The following EPHA5 variants were observed in gnomAD, a reference collection of about 807,000 sequenced individuals.
EPHA5 encodes ephrin type-A receptor 5.
A neutral mutation model predicts 105.0 loss-of-function variants in EPHA5; 60 were observed. The ratio of observed to expected loss-of-function variants is 0.57; its 90% CI spans 0.46 to 0.71. The LOEUF is 0.71. Ranked by LOEUF, EPHA5 falls within the 30% of genes least tolerant of loss-of-function variation. EPHA5 has a pLI of 0.00. For missense variants in EPHA5, 1,218 were observed against 1,274.7 expected (o/e 0.96, Z 0.68); for synonymous variants, 513 against 449.1 (o/e 1.14, Z -1.80).
chr4:65,380,278 A>G (rs1426748848), intron 8 of EPHA5, among the ~76,000 whole-genome samples: 1 of 151,816 alleles, frequency 6.6e-6, no homozygotes, highest in African/African-American at 2.4e-5. Flanking sequence ...AAAACTGTTG[A>G]TCTTTGTTTT....
intron 11 of EPHA5, among the ~76,000 whole-genome samples, chr4:65,356,761 G>A (rs375771816): frequency 7.9e-5 from 12 of 151,606 alleles, no homozygotes; most frequent in African/African-American, 1.7e-4. Context: ...TTCTTCATGC[G>A]TGAGTCATTT....
chr4:65,652,780 A>G (rs1748725190), intron 1 of EPHA5, among the ~76,000 whole-genome samples: 1 of 152,174 alleles, frequency 6.6e-6, no homozygotes, highest in Admixed American at 6.5e-5. Context: ...CAATCTAAAT[A>G]GAACAGACAT....
At chr4:65,330,618 C>T in intron 16 of EPHA5, 1 of 539,272 alleles carries the variant, frequency 1.9e-6, no homozygotes, top group Non-Finnish European at 2.4e-6. Flanking sequence ...AGAAGAAATA[C>T]CTACAATATC....
chr4:65,641,926 A>T (rs1173419361), intron 2 of EPHA5, among the ~76,000 whole-genome samples: 1 of 152,150 alleles, frequency 6.6e-6, no homozygotes, highest in African/African-American at 2.4e-5. Flanking sequence ...TTATAAAGCA[A>T]TTAATTGTTT....
intron 8 of EPHA5, among the ~76,000 whole-genome samples, chr4:65,394,734 A>G (rs1721049910): frequency 6.6e-6 from 1 of 152,178 alleles, no homozygotes; most frequent in Non-Finnish European, 1.5e-5. Flanking sequence ...ATCAGCTATA[A>G]ATTAGATAAG....
At chr4:65,612,689 G>A (rs1198315193) in intron 2 of EPHA5, among the ~76,000 whole-genome samples, 5 of 152,050 alleles carry the variant, frequency 3.3e-5, no homozygotes, top group Non-Finnish European at 1.5e-5. Context: ...GCTTTCTTTT[G>A]CAAAATATCT....
intron 3 of EPHA5, among the ~76,000 whole-genome samples, chr4:65,595,194 A>G (rs1743051758): frequency 6.6e-6 from 1 of 151,596 alleles, no homozygotes; most frequent in Admixed American, 6.6e-5. Flanking sequence ...AAAATACCAC[A>G]CTTCACCCAC....
intron 3 of EPHA5, among the ~76,000 whole-genome samples, chr4:65,555,799 G>A (rs1166287050): frequency 7.1e-6 from 1 of 141,120 alleles, no homozygotes; most frequent in South Asian, 2.1e-4. Flanking sequence ...TGTCAAGTAG[G>A]AGTACTAGGA....
chr4:65,424,358 G>A (rs951524792), intron 5 of EPHA5, among the ~76,000 whole-genome samples: 1 of 152,066 alleles, frequency 6.6e-6, no homozygotes, highest in Non-Finnish European at 1.5e-5. Context: ...ATACGTTGAA[G>A]CCTGATAGAA....
chr4:65,624,158 A>G (rs766599819), intron 2 of EPHA5, among the ~76,000 whole-genome samples: 7 of 152,166 alleles, frequency 4.6e-5, no homozygotes, highest in Non-Finnish European at 8.8e-5. Context: ...ACCAATACTT[A>G]TTTATATTTA....
intron 8 of EPHA5, among the ~76,000 whole-genome samples, chr4:65,372,791 T>G (rs113773307): frequency 1.4e-4 from 22 of 151,934 alleles, no homozygotes; most frequent in African/African-American, 5.3e-4. Context: ...ACTTTGTATC[T>G]TCATATTCTA....
At chr4:65,428,725 C>T (rs1724690527) in intron 5 of EPHA5, among the ~76,000 whole-genome samples, 2 of 151,978 alleles carry the variant, frequency 1.3e-5, no homozygotes, top group African/African-American at 4.8e-5. Context: ...AAATTAGTTG[C>T]TTCCAGCAGG....
intron 7 of EPHA5, among the ~76,000 whole-genome samples, chr4:65,406,422 C>T (rs1722361280): frequency 6.6e-6 from 1 of 152,114 alleles, no homozygotes; most frequent in Non-Finnish European, 1.5e-5. Context: ...AAACTCTCCT[C>T]CTCTTGGTTT....
intron 3 of EPHA5, among the ~76,000 whole-genome samples, chr4:65,557,285 A>G (rs1188686214): frequency 1.6e-5 from 2 of 122,356 alleles, no homozygotes; most frequent in Non-Finnish European, 3.4e-5. Context: ...TTAACACTCC[A>G]TCTTATTAAC....
chr4:65,385,460 C>T (rs2148940403), intron 8 of EPHA5, among the ~76,000 whole-genome samples: 1 of 151,936 alleles, frequency 6.6e-6, no homozygotes, highest in African/African-American at 2.4e-5. Flanking sequence ...TTGTGATAAA[C>T]ATATTATGAT....
At position 65,343,239 on chromosome 4, in the gene EPHA5, A is replaced by G. The variant is rs77365768; in HGVS notation, c.2595+4815T>C. Among the ~76,000 whole-genome samples, 1,417 of 152,226 alleles carry G rather than the reference A, an allele frequency of 9.3e-3. 29 individuals are homozygous for G. The highest frequency in any genetic ancestry group is 0.032 in the African/African-American group (1,325 of 41,550). ...TAAATAGGCTTCTACTGACTACATG[A>G]TATTATCTTAGCTTCTGAGCTTGAA... On this transcript the variant is annotated intron_variant, in intron 14 of 16. Coordinates refer to ENST00000613740, the MANE Select transcript of EPHA5 (RefSeq NM_001281766.3).
chr4:65,587,684 G>T (rs530346948), intron 3 of EPHA5, among the ~76,000 whole-genome samples: 1 of 152,274 alleles, frequency 6.6e-6, no homozygotes, highest in South Asian at 2.1e-4. Flanking sequence ...ACTGTCTAGG[G>T]TAAGAGCTTC....
chr4:65,557,411 T>A (rs1738569668), intron 3 of EPHA5, among the ~76,000 whole-genome samples: 1 of 151,710 alleles, frequency 6.6e-6, no homozygotes, highest in Non-Finnish European at 1.5e-5. Flanking sequence ...CACAATAATT[T>A]AACAAGTATT....
At chr4:65,563,501 G>T (rs1276387696) in intron 3 of EPHA5, among the ~76,000 whole-genome samples, 1 of 151,922 alleles carries the variant, frequency 6.6e-6, no homozygotes, top group African/African-American at 2.4e-5. Context: ...TTACATAATG[G>T]TTAGATTTTA....
Sources: gnomAD v4.1 joint callset for allele counts (sites outside exome capture counted in the v4.1 genomes callset) on GRCh38, gnomAD v4.1.1 for gene constraint, MANE v1.5 for transcripts, NCBI Gene and HGNC (gene_info 2026-07-23, HGNC 2026-07-21) for gene names.